FSTL5: variants seen among roughly 807,000 people sequenced by gnomAD.
FSTL5 encodes follistatin-related protein 5.
Under a neutral mutation model 89.1 loss-of-function variants are expected in FSTL5, and 62 were observed. That is an observed-to-expected ratio of 0.70 (90% confidence interval 0.57 to 0.86). The LOEUF (loss-of-function observed/expected upper bound fraction) is 0.86, where lower values mean the gene tolerates loss of function less well. Ranked by LOEUF, FSTL5 falls within the 40% of genes least tolerant of loss-of-function variation. The pLI is 0.00. For missense variants in FSTL5, 1,057 were observed against 1,001.6 expected (o/e 1.06, Z -0.75); for synonymous variants, 383 against 346.2 (o/e 1.11, Z -1.18).
chr4:161,779,031 T>C (rs144083330), intron 4 of FSTL5, among the ~76,000 whole-genome samples: 41 of 152,306 alleles, frequency 2.7e-4, no homozygotes, highest in African/African-American at 6.7e-4. Context: ...ACCAATGGCA[T>C]TGGGGAGATC....
At chr4:161,906,582 G>A (rs1733535714) in intron 4 of FSTL5, among the ~76,000 whole-genome samples, 1 of 152,094 alleles carries the variant, frequency 6.6e-6, no homozygotes, top group Admixed American at 6.6e-5. Flanking sequence ...CTGCTTTTAA[G>A]TCTCAAAGAC....
chr4:161,763,902 G>A (rs1034048680), intron 5 of FSTL5, among the ~76,000 whole-genome samples: 4 of 152,060 alleles, frequency 2.6e-5, no homozygotes, highest in Non-Finnish European at 5.9e-5. Flanking sequence ...GTCAATATAA[G>A]CTGGTTCTTG....
chr4:161,620,930 T>C (rs1346299343), intron 7 of FSTL5, among the ~76,000 whole-genome samples: 2 of 152,076 alleles, frequency 1.3e-5, no homozygotes, highest in African/African-American at 2.4e-5. Flanking sequence ...AATAGATTCA[T>C]AATCATAATC....
intron 7 of FSTL5, among the ~76,000 whole-genome samples, chr4:161,618,859 C>G (rs1734995651): frequency 6.6e-6 from 1 of 152,034 alleles, no homozygotes; most frequent in African/African-American, 2.4e-5. Flanking sequence ...CATATGACAC[C>G]AAAAAAGAGC....
chr4:162,125,342 C>G (rs756605105), intron 1 of FSTL5, among the ~76,000 whole-genome samples: 2 of 143,732 alleles, frequency 1.4e-5, no homozygotes, highest in African/African-American at 2.8e-5. Flanking sequence ...ATATTTGTAA[C>G]TAAATTTTTT....
intron 3 of FSTL5, among the ~76,000 whole-genome samples, chr4:162,019,513 A>G (rs1737008693): frequency 6.6e-6 from 1 of 152,072 alleles, no homozygotes; most frequent in African/African-American, 2.4e-5. Flanking sequence ...TAAAAAATGT[A>G]TCATATTTCT....
chr4:161,697,543 T>C (rs1378937925), intron 6 of FSTL5, among the ~76,000 whole-genome samples: 1 of 152,204 alleles, frequency 6.6e-6, no homozygotes, highest in African/African-American at 2.4e-5. Context: ...CAAAGAGATG[T>C]CTGCATTCCC....
intron 10 of FSTL5, among the ~76,000 whole-genome samples, chr4:161,522,262 T>C (rs1235113305): frequency 6.6e-6 from 1 of 152,002 alleles, no homozygotes; most frequent in Non-Finnish European, 1.5e-5. Context: ...AGCAAGAAAA[T>C]CAGGCCAAGT....
intron 4 of FSTL5, among the ~76,000 whole-genome samples, chr4:161,785,381 T>G (rs1056297741): frequency 6.6e-6 from 1 of 152,138 alleles, no homozygotes; most frequent in African/African-American, 2.4e-5. Context: ...TCCCCTATCA[T>G]CTACACTGGA....
chr4:162,001,258 TA>T (rs775679567), intron 3 of FSTL5, among the ~76,000 whole-genome samples: 10 of 152,178 alleles, frequency 6.6e-5, no homozygotes, highest in African/African-American at 9.6e-5. Flanking sequence ...TAATTGATAT[TA>T]TTTCCTGTTG....
chr4:162,130,516 TCAAGTA>T (rs1732257824), intron 1 of FSTL5, among the ~76,000 whole-genome samples: 3 of 152,188 alleles, frequency 2.0e-5, no homozygotes, highest in South Asian at 4.1e-4. Flanking sequence ...AGAAACAACT[TCAAGTA>T]CAAGTGATTT....
At chr4:161,731,762 T>C (rs1286320862) in intron 6 of FSTL5, among the ~76,000 whole-genome samples, 4 of 151,478 alleles carry the variant, frequency 2.6e-5, no homozygotes, top group Non-Finnish European at 5.9e-5. Context: ...ATGTGCTAAT[T>C]TTCGTCTGCC....
At chr4:161,999,010 A>G (rs1736384869) in intron 3 of FSTL5, among the ~76,000 whole-genome samples, 1 of 152,128 alleles carries the variant, frequency 6.6e-6, no homozygotes, top group Non-Finnish European at 1.5e-5. Flanking sequence ...AGGAGGGTCT[A>G]ATAAGGCTTG....
intron 4 of FSTL5, among the ~76,000 whole-genome samples, chr4:161,787,898 C>T (rs1041606857): frequency 1.3e-5 from 2 of 152,054 alleles, no homozygotes; most frequent in Non-Finnish European, 1.5e-5. Context: ...CATTAATTTG[C>T]CTTTTCTCAA....
intron 4 of FSTL5, among the ~76,000 whole-genome samples, chr4:161,809,083 G>C (rs559412397): frequency 6.6e-6 from 1 of 152,242 alleles, no homozygotes; most frequent in Non-Finnish European, 1.5e-5. Flanking sequence ...GCCAGGCTTG[G>C]TGGCGGCTGC....
chr4:161,418,480 C>T (rs1305990566), intron 15 of FSTL5, among the ~76,000 whole-genome samples: 2 of 152,088 alleles, frequency 1.3e-5, no homozygotes, highest in African/African-American at 2.4e-5. Context: ...TTTTGATCTG[C>T]AAATATTTAT....
intron 9 of FSTL5, among the ~76,000 whole-genome samples, chr4:161,539,739 A>C (rs921587230): frequency 1.3e-5 from 2 of 152,074 alleles, no homozygotes; most frequent in East Asian, 1.9e-4. Flanking sequence ...AAAAACAAAA[A>C]CAAAAAAACC....
In FSTL5 at chr4:161,710,411, T is replaced by C. The variant is rs113372149; in HGVS notation, c.727+49000A>G. ...AAATGGCATACAAAAATAGGAAGAA[T>C]TGCTTTCTACAAGGCAGGTCAGGAC... On this transcript the variant is annotated intron_variant, in intron 6 of 15. Coordinates refer to ENST00000306100, the MANE Select transcript of FSTL5 (RefSeq NM_020116.5). Among the ~76,000 whole-genome samples, 552 of 152,266 alleles carry C rather than the reference T, an allele frequency of 3.6e-3. 5 individuals carry two copies. Among genetic ancestry groups the C allele is most frequent in the African/African-American group, 0.012 (510 of 41,564 alleles).
intron 1 of FSTL5, among the ~76,000 whole-genome samples, 161 bp downstream of exon 1, chr4:162,163,454 A>C (rs766210393): frequency 8.4e-6 from 1 of 119,524 alleles, no homozygotes; most frequent in African/African-American, 3.8e-5. Flanking sequence ...TAATAATAAT[A>C]ATAATAATAA....
Sources: allele counts gnomAD v4.1 joint callset (sites outside exome capture counted in the v4.1 genomes callset), GRCh38; gene constraint gnomAD v4.1.1; transcripts MANE v1.5; gene names NCBI Gene and HGNC (gene_info 2026-07-23, HGNC 2026-07-21).